NT5DC3: variants seen among roughly 807,000 people sequenced by gnomAD.
NT5DC3 encodes 5'-nucleotidase domain-containing protein 3.
NT5DC3 carries 42 observed loss-of-function variants against 67.8 expected under a neutral mutation model. The observed-to-expected ratio is 0.62, with a 90% CI of 0.48 to 0.80. The LOEUF is 0.80. Ranked by LOEUF, NT5DC3 falls within the 30% of genes least tolerant of loss-of-function variation. The pLI, the probability that NT5DC3 is intolerant of heterozygous loss-of-function variation, is 0.00. For synonymous variants in NT5DC3, 237 were observed against 255.6 expected, an observed-to-expected ratio of 0.93 and a Z score of 0.69; for missense variants, 570 against 696.4, an observed-to-expected ratio of 0.82 and a Z score of 2.04.
chr12:103,786,681 A>ACTTT (rs1885790938), intron 11 of NT5DC3, among the ~76,000 whole-genome samples: 1 of 132,366 alleles, frequency 7.6e-6, no homozygotes, highest in Non-Finnish European at 1.6e-5. Flanking sequence ...CACTGGTTTG[A>ACTTT]TTTTTTTTTT....
At chr12:103,748,605 T>TACAC in the NT5DC3 span, among the ~76,000 whole-genome samples, 551 of 141,750 alleles carry the variant, frequency 3.9e-3, 9 homozygotes, top group Non-Finnish European at 5.5e-3. Context: ...CACACACACA[T>TACAC]ACACACACAC....
chr12:103,775,031 A>C lies in NT5DC3; in HGVS notation c.*2798T>G, dbSNP rs1885297460. ...GCCTCAAAAAAAAAAAAAAAAAGTC[A>C]TGACAGCGACAAGTTAAAATCTGTC... On this transcript the variant is annotated 3_prime_UTR_variant, in exon 14 of 14. Coordinates refer to ENST00000392876, the MANE Select transcript of NT5DC3 (RefSeq NM_001031701.3). The C allele has an allele frequency of 6.7e-6, 1 of 150,122 alleles. No homozygotes were observed. Among genetic ancestry groups the C allele is most frequent in the Non-Finnish European group, 1.5e-5 (1 of 67,694 alleles). The allele number at this position is 150,122 out of a possible 1,614,324, so 9.3% of individuals were successfully genotyped here.
In NT5DC3 at chr12:103,777,056, G is replaced by T. The variant is rs1885365248; in HGVS notation, c.*773C>A. On this transcript the variant is annotated 3_prime_UTR_variant, in exon 14 of 14. Transcript: ENST00000392876. The stretch of plus-strand genomic sequence containing the variant: ...CTGGGAGACCTACCACAAATGTTTT[G>T]GTTCTTCAAACCCACTCGTTTCTTG... The T allele has an allele frequency of 6.6e-6, 1 of 152,152 alleles. No individual in the cohort carries two copies. The highest frequency in any genetic ancestry group is 6.5e-5 in the Admixed American group (1 of 15,272). 9.4% of individuals were successfully genotyped at this position (152,152 alleles called of 1,614,324 possible).
At chr12:103,757,024 TATATATAA>T in the NT5DC3 span, among the ~76,000 whole-genome samples, 39 of 139,362 alleles carry the variant, frequency 2.8e-4, no homozygotes, top group African/African-American at 1.0e-3. Flanking sequence ...TATATATATA[TATATATAA>T]AATATATATA....
intron 2 of NT5DC3, among the ~76,000 whole-genome samples, chr12:103,812,439 A>T (rs1298313465): frequency 3.3e-5 from 5 of 152,356 alleles, no homozygotes; most frequent in Admixed American, 1.3e-4. Flanking sequence ...CATAATGAGA[A>T]TGAAATTTCA....
At chr12:103,755,735 C>T in the NT5DC3 span, 1 of 1,613,544 alleles carries the variant, frequency 6.2e-7, no homozygotes, top group Non-Finnish European at 8.5e-7. Flanking sequence ...ACCATGTCTG[C>T]TTGGTTTGCC....
intron 1 of NT5DC3, among the ~76,000 whole-genome samples, chr12:103,817,110 G>T (rs1887295637): frequency 6.6e-6 from 1 of 151,158 alleles, no homozygotes; most frequent in Admixed American, 6.6e-5. Context: ...GGAGGTGAAT[G>T]CAGAGAGAGA....
At chr12:103,753,453 C>T in the NT5DC3 span, 1 of 1,513,666 alleles carries the variant, frequency 6.6e-7, no homozygotes, top group Non-Finnish European at 9.1e-7. Flanking sequence ...TGCCTTCAAG[C>T]AAGGGAGTGC....
chr12:103,785,508 G>A (rs745985009), intron 11 of NT5DC3, 33 bp from the exon 12 acceptor site: 1 of 1,610,196 alleles, frequency 6.2e-7, no homozygotes, highest in African/African-American at 1.3e-5. Flanking sequence ...GTCAACGTCA[G>A]TCTCAACAGA....
chr12:103,749,055 G>A, the NT5DC3 span: 5 of 1,613,996 alleles, frequency 3.1e-6, no homozygotes, highest in Non-Finnish European at 4.2e-6. Flanking sequence ...CTGCCAGAAG[G>A]GATACAAAGG....
chr12:103,822,087 A>C (rs1270476409), intron 1 of NT5DC3: 2 of 152,256 alleles, frequency 1.3e-5, no homozygotes, highest in African/African-American at 4.8e-5. Context: ...AGGTAGAAAA[A>C]GAAACATGCG....
chr12:103,762,438 C>T, the NT5DC3 span: 1 of 1,613,866 alleles, frequency 6.2e-7, no homozygotes, highest in Non-Finnish European at 8.5e-7. Context: ...TGATGGGGTC[C>T]TCTCCAAAAA....
At chr12:103,782,596 G>A (rs1217153425) in intron 12 of NT5DC3, among the ~76,000 whole-genome samples, 1 of 152,162 alleles carries the variant, frequency 6.6e-6, no homozygotes, top group Non-Finnish European at 1.5e-5. Context: ...CTGACCTGTG[G>A]TCTAAATGTG....
chr12:103,763,167 C>T, the NT5DC3 span: 3 of 254,686 alleles, frequency 1.2e-5, no homozygotes, highest in African/African-American at 2.2e-5. Context: ...GGCAACACCA[C>T]TTCAGGGTGA....
chr12:103,783,623 G>A (rs1215740664), intron 12 of NT5DC3, among the ~76,000 whole-genome samples: 1 of 151,668 alleles, frequency 6.6e-6, no homozygotes, highest in Non-Finnish European at 1.5e-5. Context: ...TGCAAAATGG[G>A]GGCAGCTATG....
Position 103,793,407 on chromosome 12 carries a change from T to C in NT5DC3, c.917+3A>G. ...GCTAGCAATGAAACACAGAGCAACT[T>C]ACACAAAGCTACTGGGGCTATTGGT... On this transcript the variant is annotated splice_donor_region_variant and intron_variant, in intron 8 of 13. Coordinates refer to ENST00000392876, the MANE Select transcript of NT5DC3 (RefSeq NM_001031701.3). 2 of 1,612,788 alleles carry C rather than the reference T, an allele frequency of 1.2e-6. No individual in the cohort carries two copies. Among genetic ancestry groups the C allele is most frequent in the Non-Finnish European group, 1.7e-6 (2 of 1,178,758 alleles).
chr12:103,781,445 C>T (rs952605472), intron 12 of NT5DC3, among the ~76,000 whole-genome samples: 11 of 152,358 alleles, frequency 7.2e-5, no homozygotes, highest in African/African-American at 2.4e-4. Flanking sequence ...TTCACTCGGC[C>T]ACCCTTCGGG....
downstream of NT5DC3, among the ~76,000 whole-genome samples, chr12:103,771,627 C>T (rs1373363990): frequency 1.3e-5 from 2 of 152,212 alleles, no homozygotes; most frequent in South Asian, 2.1e-4. Context: ...CCAGGGGGCA[C>T]TGCTGGCCAA....
the NT5DC3 span, chr12:103,755,040 C>T: frequency 2.3e-6 from 1 of 432,946 alleles, no homozygotes. Context: ...ACAGCAAATT[C>T]TTTCTCAAGA....
Sources: gnomAD v4.1 joint callset for allele counts (sites outside exome capture counted in the v4.1 genomes callset) on GRCh38, gnomAD v4.1.1 for gene constraint, MANE v1.5 for transcripts, NCBI Gene and HGNC (gene_info 2026-07-23, HGNC 2026-07-21) for gene names.